The following FTCDNL1 variants were observed in gnomAD, a reference collection of about 807,000 sequenced individuals.
FTCDNL1 encodes formiminotransferase N-terminal subdomain-containing protein.
Under a neutral mutation model 5.9 loss-of-function variants are expected in FTCDNL1, and 11 were observed. The observed-to-expected ratio is 1.87, with a 90% CI of 1.18 to 3.10. The LOEUF is 3.10. FTCDNL1 is among the 30% of genes most tolerant of loss of function. FTCDNL1 has a pLI of 0.00. For missense variants in FTCDNL1, 115 were observed against 65.5 expected (o/e 1.76, Z -2.61); for synonymous variants, 58 against 24.8 (o/e 2.34, Z -3.99).
the FTCDNL1 span, among the ~76,000 whole-genome samples, chr2:199,725,561 C>T: frequency 6.6e-6 from 1 of 152,110 alleles, no homozygotes; most frequent in Non-Finnish European, 1.5e-5. Flanking sequence ...TCCTGAGGAG[C>T]TCTTGCAAGG....
intron 3 of FTCDNL1, among the ~76,000 whole-genome samples, chr2:199,822,349 A>T (rs1701747345): frequency 6.6e-6 from 1 of 152,202 alleles, no homozygotes; most frequent in South Asian, 2.1e-4. Context: ...GGCTGCAATG[A>T]GCTGAGATCA....
the FTCDNL1 span, among the ~76,000 whole-genome samples, chr2:199,724,443 C>T: frequency 6.6e-6 from 1 of 152,072 alleles, no homozygotes; most frequent in African/African-American, 2.4e-5. Context: ...TCTGTTTGCT[C>T]TTGGTTCCCT....
At chr2:199,778,852 A>G (rs1013280881) in intron 3 of FTCDNL1, among the ~76,000 whole-genome samples, 2 of 152,210 alleles carry the variant, frequency 1.3e-5, no homozygotes, top group Admixed American at 6.5e-5. Context: ...AATTCTTGTG[A>G]CAGGCAAAGG....
At chr2:199,789,692 C>A (rs531420695) in intron 3 of FTCDNL1, among the ~76,000 whole-genome samples, 2 of 151,910 alleles carry the variant, frequency 1.3e-5, no homozygotes, top group Non-Finnish European at 2.9e-5. Context: ...TAACATGAAT[C>A]CATGCCCAGG....
the FTCDNL1 span, among the ~76,000 whole-genome samples, chr2:199,697,031 G>A: frequency 6.6e-6 from 1 of 152,300 alleles, no homozygotes; most frequent in Non-Finnish European, 1.5e-5. Context: ...CCAGCACTTT[G>A]GGAGGCCAAG....
chr2:199,779,704 C>T (rs1256173528), intron 3 of FTCDNL1, among the ~76,000 whole-genome samples: 2 of 152,158 alleles, frequency 1.3e-5, no homozygotes, highest in Non-Finnish European at 2.9e-5. Flanking sequence ...AAAACCATGG[C>T]CCAGTGTGGT....
At chr2:199,816,027 A>C (rs1017710836) in intron 4 of FTCDNL1, among the ~76,000 whole-genome samples, 3 of 151,370 alleles carry the variant, frequency 2.0e-5, no homozygotes, top group Admixed American at 6.6e-5. Flanking sequence ...AGAAAGAAAG[A>C]AAGCAATTTA....
chr2:199,850,110 A>C (rs764327321), intron 1 of FTCDNL1, among the ~76,000 whole-genome samples: 39 of 152,172 alleles, frequency 2.6e-4, no homozygotes, highest in Non-Finnish European at 5.4e-4. Flanking sequence ...ACCTAGAGAG[A>C]GCTCAGGCTT....
chr2:199,843,239 T>C (rs1348007897), intron 3 of FTCDNL1, among the ~76,000 whole-genome samples: 11 of 152,226 alleles, frequency 7.2e-5, no homozygotes, highest in Admixed American at 2.0e-4. Flanking sequence ...GTGTCCAGAC[T>C]CACTGATTCT....
chr2:199,749,075 C>T, the FTCDNL1 span, among the ~76,000 whole-genome samples: 4 of 152,282 alleles, frequency 2.6e-5, no homozygotes, highest in East Asian at 5.8e-4. Context: ...GCTTTTCCTC[C>T]GTCTGAAGGG....
intron 3 of FTCDNL1, among the ~76,000 whole-genome samples, chr2:199,765,556 A>ATATATATTTTTTTTT: frequency 9.4e-5 from 4 of 42,656 alleles, no homozygotes; most frequent in African/African-American, 1.3e-4. Context: ...ATATATATAT[A>ATATATATTTTTTTTT]TTTTTTTTTT....
downstream of FTCDNL1, among the ~76,000 whole-genome samples, chr2:199,807,404 G>A (rs544160940): frequency 4.6e-5 from 7 of 152,296 alleles, no homozygotes; most frequent in South Asian, 6.2e-4. Flanking sequence ...TTGGGAGCCC[G>A]AGGTGGGCAG....
intron 3 of FTCDNL1, among the ~76,000 whole-genome samples, chr2:199,777,756 A>AG (rs1699165990): frequency 6.6e-6 from 1 of 152,024 alleles, no homozygotes; most frequent in African/African-American, 2.4e-5. Flanking sequence ...GAGGCTGCTT[A>AG]GGGATTTTTG....
At chr2:199,843,254 T>A (rs752672094) in intron 3 of FTCDNL1, among the ~76,000 whole-genome samples, 3 of 152,230 alleles carry the variant, frequency 2.0e-5, no homozygotes, top group Admixed American at 1.3e-4. Context: ...GATTCTCAAC[T>A]GTCTCCTACA....
chr2:199,694,952 A>C, the FTCDNL1 span, among the ~76,000 whole-genome samples: 5 of 152,188 alleles, frequency 3.3e-5, no homozygotes, highest in African/African-American at 1.2e-4. Context: ...AGTCTCTGGG[A>C]TCTAGCTGCA....
intron 3 of FTCDNL1, among the ~76,000 whole-genome samples, chr2:199,838,350 G>A (rs1702901308): frequency 6.6e-6 from 1 of 152,126 alleles, no homozygotes; most frequent in African/African-American, 2.4e-5. Context: ...ATTTAAAATC[G>A]CCAAGAGAAG....
In FTCDNL1 at chr2:199,766,261, T is replaced by C. The variant is rs552937662; in HGVS notation, c.212-5426A>G. Among the ~76,000 whole-genome samples, 67 of 152,362 alleles carry C rather than the reference T, an allele frequency of 4.4e-4. No individual in the cohort carries two copies. The Middle Eastern group carries it at 0.014, about 31-fold the overall frequency. ...TAATAATATTAACACAGCTTCCCATTAGGCACAAATTTTGAAATAATGTGT... is the reference window on the plus strand; with the variant it reads ...TAATAATATTAACACAGCTTCCCATCAGGCACAAATTTTGAAATAATGTGT... On this transcript the variant is annotated intron_variant, in intron 3 of 3. Transcript: ENST00000416668.
chr2:199,670,748 A>AC, the FTCDNL1 span, among the ~76,000 whole-genome samples: 4 of 152,124 alleles, frequency 2.6e-5, no homozygotes, highest in Non-Finnish European at 4.4e-5. Flanking sequence ...GCACAGTTGA[A>AC]CATGGCACAA....
At chr2:199,704,430 G>C in the FTCDNL1 span, among the ~76,000 whole-genome samples, 1 of 152,034 alleles carries the variant, frequency 6.6e-6, no homozygotes, top group African/African-American at 2.4e-5. Context: ...GGGAAGACTG[G>C]GGGGAAGAGG....
Sources: gnomAD v4.1 joint callset for allele counts (sites outside exome capture counted in the v4.1 genomes callset) on GRCh38, gnomAD v4.1.1 for gene constraint, MANE v1.5 for transcripts, NCBI Gene and HGNC (gene_info 2026-07-23, HGNC 2026-07-21) for gene names.